Variants in PAFAH2 observed in about 807,000 individuals in gnomAD.
The protein encoded by PAFAH2 is platelet-activating factor acetylhydrolase 2, cytoplasmic.
Under a neutral mutation model 49.0 loss-of-function variants are expected in PAFAH2, and 42 were observed. The observed-to-expected ratio is 0.86, with a 90% CI of 0.67 to 1.11. The LOEUF (loss-of-function observed/expected upper bound fraction) is 1.11, where lower values mean the gene tolerates loss of function less well. Among genes scored for constraint, PAFAH2 ranks in the 50% least tolerant of loss-of-function variants. The pLI is 0.00. For synonymous variants in PAFAH2, 184 were observed against 181.3 expected (o/e 1.01, Z -0.12); for missense variants, 503 against 501.8 (o/e 1.00, Z -0.02).
chr1:25,984,577 G>A, intron 4 of PAFAH2, 49 bp from the exon 5 acceptor site: 7 of 1,433,738 alleles, frequency 4.9e-6, no homozygotes, highest in Non-Finnish European at 6.9e-6. Context: ...GAACAGCCCA[G>A]CCTTCACCCT....
Position 25,972,716 on chromosome 1 carries a change from G to A in PAFAH2, c.930-4C>T, listed in dbSNP as rs932298502. 3 of 1,613,738 alleles carry A rather than the reference G, an allele frequency of 1.9e-6. No homozygotes were observed. Among genetic ancestry groups the A allele is most frequent in the African/African-American group, 1.3e-5 (1 of 74,890 alleles). ...TTGACTCCGATGAACAGAACCACTA[G>A]GGGAAAAGAAAAACAACTGGCAGGG... On this transcript the variant is annotated splice_polypyrimidine_tract_variant and splice_region_variant and intron_variant, in intron 9 of 10. Transcript: ENST00000374282.
chr1:25,995,822 C>A (rs1433560748), intron 1 of PAFAH2, among the ~76,000 whole-genome samples: 1 of 152,182 alleles, frequency 6.6e-6, no homozygotes, highest in Non-Finnish European at 1.5e-5. Context: ...ACCAAACTGT[C>A]TATCTGCATG....
intron 10 of PAFAH2, chr1:25,964,279 T>C (rs555412852): frequency 2.8e-4 from 42 of 152,398 alleles, no homozygotes; most frequent in African/African-American, 9.9e-4. Context: ...ACATGCAAAT[T>C]CGTTAAGCTT....
At chr1:25,995,458 A>G (rs563218455) in intron 1 of PAFAH2, among the ~76,000 whole-genome samples, 2 of 152,274 alleles carry the variant, frequency 1.3e-5, no homozygotes, top group South Asian at 4.1e-4. Context: ...TCGTTTGTAA[A>G]AGCTTCCCAG....
chr1:25,965,465 C>G (rs1163807174), intron 10 of PAFAH2, among the ~76,000 whole-genome samples: 1 of 152,128 alleles, frequency 6.6e-6, no homozygotes, highest in Non-Finnish European at 1.5e-5. Flanking sequence ...AGACAACCTA[C>G]AGAATGGAAG....
In PAFAH2 at chr1:25,990,805, G is replaced by A; in HGVS notation, c.12C>T (p.Asn4=). 6.2e-7 allele frequency: 1 copy of A among 1,613,950 alleles called. No individual in the cohort carries two copies. Among genetic ancestry groups the A allele is most frequent in the Non-Finnish European group, 8.5e-7 (1 of 1,179,898 alleles). The part of the protein sequence containing the change: MGV[N]QSVGFPPVTG... ...TGACAGGTGGAAAGCCCACAGACTG[G>A]TTGACCCCCATTTCATCACCGGGTG... The change falls in exon 2 of 11, where the codon AAC becomes AAT. Residue 4 remains asparagine, a synonymous_variant. Transcript: ENST00000374282.
intron 10 of PAFAH2, among the ~76,000 whole-genome samples, chr1:25,966,269 A>T (rs1027954025): frequency 6.6e-6 from 1 of 152,206 alleles, no homozygotes; most frequent in African/African-American, 2.4e-5. Flanking sequence ...ACTACTGGCT[A>T]TCTACCCAAA....
At chr1:25,981,945 C>T (rs938977987) in intron 7 of PAFAH2, among the ~76,000 whole-genome samples, 1 of 151,630 alleles carries the variant, frequency 6.6e-6, no homozygotes, top group African/African-American at 2.4e-5. Flanking sequence ...CGCTTGAACC[C>T]GGGAGGCGGA....
At chr1:25,991,537 C>T (rs1399854450) in intron 1 of PAFAH2, among the ~76,000 whole-genome samples, 1 of 148,612 alleles carries the variant, frequency 6.7e-6, no homozygotes, top group South Asian at 2.2e-4. Flanking sequence ...CCACTTTGGC[C>T]TCCCAAAGTG....
At chr1:25,992,475 C>T (rs962828517) in intron 1 of PAFAH2, among the ~76,000 whole-genome samples, 2 of 152,196 alleles carry the variant, frequency 1.3e-5, no homozygotes, top group African/African-American at 4.8e-5. Context: ...CAGTGCTCCC[C>T]TAACCCTCTT....
intron 4 of PAFAH2, among the ~76,000 whole-genome samples, chr1:25,985,135 G>A (rs2049763232): frequency 1.3e-5 from 2 of 152,088 alleles, no homozygotes; most frequent in Non-Finnish European, 2.9e-5. Context: ...GGGATTACAG[G>A]CATGAGCCAC....
At chr1:25,984,189 C>A in intron 5 of PAFAH2, 102 bp from the exon 6 acceptor site, 1 of 1,381,192 alleles carries the variant, frequency 7.2e-7, no homozygotes, top group South Asian at 1.2e-5. Flanking sequence ...CTAGATCACC[C>A]TTTGGCTAGT....
chr1:25,976,616 C>T (rs2049592309), intron 8 of PAFAH2, 66 bp downstream of exon 8: 10 of 1,204,442 alleles, frequency 8.3e-6, no homozygotes, highest in Non-Finnish European at 1.1e-5. Context: ...ACTTGTGTAA[C>T]AAATACTTTC....
intron 1 of PAFAH2, among the ~76,000 whole-genome samples, chr1:25,993,139 A>G (rs561377233): frequency 2.0e-5 from 3 of 152,332 alleles, no homozygotes; most frequent in Non-Finnish European, 4.4e-5. Flanking sequence ...TAGACTTTCT[A>G]GTTACATGAG....
chr1:25,984,018 C>T lies in PAFAH2; in HGVS notation c.480G>A (p.Ser160=), dbSNP rs776126924. ...APEENQPTNE[S]LQEEWIPFRR... is the part of the protein sequence containing the mutation. Reference sequence around the variant, plus strand: ...GGAAAGGGATCCATTCCTCCTGCAGCGATTCATTGGTGGGCTGGTTCTCTT... The same window carrying T: ...GGAAAGGGATCCATTCCTCCTGCAGTGATTCATTGGTGGGCTGGTTCTCTT... The change falls in exon 6 of 11, where the codon TCG becomes TCA. Residue 160 remains serine (S), a synonymous_variant. Transcript: ENST00000374282. The T allele has an allele frequency of 1.2e-5, 19 of 1,614,026 alleles. No individual in the cohort carries two copies. The highest frequency in any genetic ancestry group is 3.3e-5 in the South Asian group (3 of 91,092).
At position 25,982,288 on chromosome 1, in the gene PAFAH2, T is replaced by A. The variant is rs1480091282; in HGVS notation, c.666+76A>T. ...TCAATTCTCTTTTGGTTCATACCAGTTAGTTAGGTTTCTGTTACTTGTAAC... is the reference window on the plus strand; with the variant it reads ...TCAATTCTCTTTTGGTTCATACCAGATAGTTAGGTTTCTGTTACTTGTAAC... On this transcript the variant is annotated intron_variant, in intron 7 of 10. Transcript: ENST00000374282. 1.1e-5 allele frequency: 11 copies of A among 1,035,434 alleles called. No homozygotes were observed. The South Asian group carries it at 1.2e-4, about 11-fold the overall frequency. 64.1% of individuals were successfully genotyped at this position (1,035,434 alleles called of 1,614,324 possible). A position where few individuals can be genotyped will look rare whatever the true frequency, so the allele number is the denominator to read the frequency against.
intron 3 of PAFAH2, among the ~76,000 whole-genome samples, chr1:25,988,634 C>G (rs546318931): frequency 2.0e-5 from 3 of 151,826 alleles, no homozygotes; most frequent in Non-Finnish European, 4.4e-5. Context: ...GAAACCCCGT[C>G]TCTACTAAAA....
chr1:25,981,729 C>G (rs1398347932), intron 7 of PAFAH2, among the ~76,000 whole-genome samples: 35 of 152,106 alleles, frequency 2.3e-4, no homozygotes, highest in Admixed American at 2.3e-3. Context: ...CTTTTTAAAC[C>G]TGGAGCTGAT....
chr1:25,972,410 T>C, intron 10 of PAFAH2, 148 bp downstream of exon 10: 1 of 896,060 alleles, frequency 1.1e-6, no homozygotes, highest in Non-Finnish European at 1.7e-6. Context: ...GTTTTTTCTG[T>C]AATTCTATGT....
Sources: allele counts gnomAD v4.1 joint callset (sites outside exome capture counted in the v4.1 genomes callset), GRCh38; gene constraint gnomAD v4.1.1; transcripts MANE v1.5; gene names NCBI Gene and HGNC (gene_info 2026-07-23, HGNC 2026-07-21).